NCAPD3: variants seen among roughly 807,000 people sequenced by gnomAD.
The protein encoded by NCAPD3 is condensin-2 complex subunit D3.
In NCAPD3, 105 loss-of-function variants were observed where a neutral mutation model predicts 182.9. The ratio of observed to expected loss-of-function variants is 0.57; its 90% CI spans 0.49 to 0.68. The LOEUF is 0.68. Ranked by LOEUF, NCAPD3 falls within the 30% of genes least tolerant of loss-of-function variation. The pLI, the probability that NCAPD3 is intolerant of heterozygous loss-of-function variation, is 0.00. For synonymous variants in NCAPD3, 815 were observed against 679.9 expected, an observed-to-expected ratio of 1.20 and a Z score of -3.09; for missense variants, 1,944 against 1,837.0, an observed-to-expected ratio of 1.06 and a Z score of -1.07.
At chr11:134,176,852 C>G (rs1944181333) in intron 23 of NCAPD3, among the ~76,000 whole-genome samples, 2 of 152,178 alleles carry the variant, frequency 1.3e-5, no homozygotes, top group Non-Finnish European at 2.9e-5. Context: ...ACCATGATCC[C>G]CATTTGACGA....
In NCAPD3 at chr11:134,161,774, C is replaced by T; in HGVS notation, c.3684+7G>A. 1 of 1,512,726 alleles carries T rather than the reference C, an allele frequency of 6.6e-7. No homozygotes were observed. The highest frequency in any genetic ancestry group is 9.2e-7 in the Non-Finnish European group (1 of 1,092,464). The allele number at this position is 1,512,726 out of a possible 1,614,324, so 93.7% of individuals were successfully genotyped here. A position where few individuals can be genotyped will look rare whatever the true frequency, so the allele number is the denominator to read the frequency against. The stretch of plus-strand genomic sequence containing the variant: ...AACAACCACAAAAGCACAGGCTCCA[C>T]CCTTACCCTGAGATAGTGCATGAGT... On this transcript the variant is annotated splice_region_variant and intron_variant, in intron 28 of 34. Coordinates refer to ENST00000534548, the MANE Select transcript of NCAPD3 (RefSeq NM_015261.3).
intron 27 of NCAPD3, among the ~76,000 whole-genome samples, chr11:134,164,049 G>A (rs12788980): frequency 0.078 from 11,851 of 152,214 alleles, 599 homozygotes; most frequent in Admixed American, 0.11. Flanking sequence ...AAACAGGCAG[G>A]ATCTTGTGGC....
chr11:134,202,808 T>C lies in NCAPD3; in HGVS notation c.1615+8A>G. ...TTACCTATCTGACAGTGATAAAATCTGACATACCTCCAGATCCAACTGTTT... is the reference window on the plus strand; with the variant it reads ...TTACCTATCTGACAGTGATAAAATCCGACATACCTCCAGATCCAACTGTTT... On this transcript the variant is annotated splice_region_variant and intron_variant, in intron 13 of 34. Transcript: ENST00000534548. 1 of 1,585,706 alleles carries C rather than the reference T, an allele frequency of 6.3e-7. No individual in the cohort carries two copies. Among genetic ancestry groups the C allele is most frequent in the Non-Finnish European group, 8.6e-7 (1 of 1,163,580 alleles).
In NCAPD3 at chr11:134,157,026, G is replaced by GC; in HGVS notation, c.4243_4244insG (p.Thr1415SerfsTer8). On this transcript the variant is annotated frameshift_variant, in exon 32 of 35. Transcript: ENST00000534548. LOFTEE classifies it high-confidence loss of function. ...TCCGATCAGTTACTCACTCTCGGGG[G>GC]TGCTGATGGCCCGCTTGGTCACGTG... The GC allele has an allele frequency of 6.2e-7, 1 of 1,612,596 alleles. No homozygotes were observed. The highest frequency in any genetic ancestry group is 8.5e-7 in the Non-Finnish European group (1 of 1,178,916).
intron 27 of NCAPD3, among the ~76,000 whole-genome samples, chr11:134,165,572 TTG>T: frequency 7.2e-6 from 1 of 139,522 alleles, no homozygotes; most frequent in South Asian, 2.4e-4. Context: ...TGAGATGAGC[TTG>T]GGGGAGGGGC....
rs1484888966 is a variant in NCAPD3, at chr11:134,203,799, A to T, written c.1323T>A (p.His441Gln). 1.9e-6 allele frequency: 3 copies of T among 1,614,094 alleles called. No individual in the cohort carries two copies. Among genetic ancestry groups the T allele is most frequent in the Non-Finnish European group, 2.5e-6 (3 of 1,180,046 alleles). ...ACATAATTTCCTGCACCAGGAACTT[A>T]TGCTTTAAGAACTTCTGATGCTCCA... ...LSLEHQKFLKHKFLVQEIMFD... is the reference protein window; with the variant it reads ...LSLEHQKFLKQKFLVQEIMFD... Residue 441 changes from histidine to glutamine, a missense_variant, in exon 11 of 35, where the codon CAT becomes CAA. His to Gln is a conservative substitution (Grantham distance 24). This residue lies in a region of NCAPD3 where 1,803 missense variants were observed against 1,674.6 expected (regional missense o/e 1.08). Transcript: ENST00000534548.
chr11:134,183,235 G>A (rs1944333524), intron 19 of NCAPD3: 1 of 448,934 alleles, frequency 2.2e-6, no homozygotes, highest in Middle Eastern at 3.3e-4. Flanking sequence ...GTACCACTGA[G>A]CCTGGAAGGC....
rs111226247 is a variant in NCAPD3, at chr11:134,204,497, C to G, written c.1090-326G>C. ...GTAGAGATCATCATGGAAATTTGAA[C>G]ACTGGATGTTTGATAATATTAAGGA... On this transcript the variant is annotated intron_variant, in intron 9 of 34. Transcript: ENST00000534548. This position sits in a 1 kb window ranked among gnomAD's most constrained non-coding sequence, Gnocchi z 4.3. Among the ~76,000 whole-genome samples, 1,185 of 152,216 alleles carry G rather than the reference C, an allele frequency of 7.8e-3. 11 individuals are homozygous for G. The highest frequency in any genetic ancestry group is 0.027 in the African/African-American group (1,108 of 41,520).
chr11:134,171,428 A>G (rs1185026136), intron 24 of NCAPD3, among the ~76,000 whole-genome samples: 2 of 152,192 alleles, frequency 1.3e-5, no homozygotes, highest in African/African-American at 4.8e-5. Flanking sequence ...AAACATAAAA[A>G]TCTGACTTCA....
At chr11:134,222,470 G>T (rs1055146482) in intron 1 of NCAPD3, among the ~76,000 whole-genome samples, 42 of 152,284 alleles carry the variant, frequency 2.8e-4, no homozygotes, top group African/African-American at 9.9e-4. Context: ...CAAATATCCT[G>T]ACTTGATCAC....
chr11:134,218,937 CT>C (rs1451137548), intron 2 of NCAPD3, among the ~76,000 whole-genome samples: 2 of 152,220 alleles, frequency 1.3e-5, no homozygotes, highest in Non-Finnish European at 1.5e-5. Flanking sequence ...CTATTGCCCA[CT>C]GTAACCTCTT....
chr11:134,192,246 G>A (rs1944537844), intron 16 of NCAPD3, among the ~76,000 whole-genome samples: 1 of 152,142 alleles, frequency 6.6e-6, no homozygotes, highest in African/African-American at 2.4e-5. Context: ...AATATTCACT[G>A]TACAGTGTAT....
chr11:134,204,950 C>T lies in NCAPD3; in HGVS notation c.1038G>A (p.Lys346=), dbSNP rs773744398. 2 of 1,613,784 alleles carry T rather than the reference C, an allele frequency of 1.2e-6. No individual in the cohort carries two copies. Among genetic ancestry groups the T allele is most frequent in the East Asian group, 4.5e-5 (2 of 44,874 alleles). The change falls in exon 9 of 35, where the codon AAG becomes AAA. Residue 346 remains lysine (K), a synonymous_variant. Coordinates refer to ENST00000534548, the MANE Select transcript of NCAPD3 (RefSeq NM_015261.3). The surrounding 1 kb of genome is among the most constrained non-coding windows in gnomAD (Gnocchi z 4.3). ...TACGGACGACTGGGAATATACTCTC[C>T]TTTAATTCATCCACAAGGGCGCTTT... ...QFISALVDEL[K]ESIFPVVRIL...
rs778182343 is a variant in NCAPD3, at chr11:134,203,850, T to C, written c.1272A>G (p.Glu424=). 20 of 1,614,048 alleles carry C rather than the reference T, an allele frequency of 1.2e-5. No individual in the cohort carries two copies. Among genetic ancestry groups the C allele is most frequent in the Non-Finnish European group, 1.6e-5 (19 of 1,180,010 alleles). ...DVVLALLELP[E]REVDNTLSLE... ...AGGAGAGGGTGTTATCCACCTCTCT[T>C]TCAGGCAGTTCTAACAGAGCTAAGA... Residue 424 remains glutamate, a synonymous_variant, in exon 11 of 35, where the codon GAA becomes GAG. Transcript: ENST00000534548.
At chr11:134,213,727 C>T (rs1937923764) in intron 3 of NCAPD3, among the ~76,000 whole-genome samples, 2 of 151,736 alleles carry the variant, frequency 1.3e-5, no homozygotes, top group East Asian at 1.9e-4. Context: ...CAAATAAAAG[C>T]ATGAGAAATG....
At chr11:134,196,727 C>G (rs982734400) in intron 13 of NCAPD3, among the ~76,000 whole-genome samples, 1 of 151,432 alleles carries the variant, frequency 6.6e-6, no homozygotes, top group East Asian at 1.9e-4. Context: ...CACACATACA[C>G]ACACACCCCT....
chr11:134,187,530 T>C (rs1347795188), intron 16 of NCAPD3, among the ~76,000 whole-genome samples: 11 of 152,244 alleles, frequency 7.2e-5, no homozygotes, highest in African/African-American at 1.9e-4. Context: ...TGAGATTTCA[T>C]AGAGCCTTCT....
Position 134,185,659 on chromosome 11 carries a change from A to G in NCAPD3, c.2046-133T>C, listed in dbSNP as rs1420752537. 4.9e-6 allele frequency: 3 copies of G among 616,372 alleles called. No individual in the cohort carries two copies. In the East Asian group the frequency reaches 9.0e-5, roughly 19 times the overall value. 38.2% of individuals were successfully genotyped at this position (616,372 alleles called of 1,614,324 possible). On this transcript the variant is annotated intron_variant, in intron 16 of 34. Transcript: ENST00000534548. ...AGTGGCACATGAAACTTATATGTAG[A>G]CGTTCCTAATTAGTGGCGTGTCTGA...
intron 2 of NCAPD3, among the ~76,000 whole-genome samples, chr11:134,218,391 C>T (rs1024053070): frequency 1.3e-5 from 2 of 152,156 alleles, no homozygotes; most frequent in Non-Finnish European, 2.9e-5. Context: ...CCTCGGTGAT[C>T]TCATGCATCA....
Sources: allele counts gnomAD v4.1 joint callset (sites outside exome capture counted in the v4.1 genomes callset), GRCh38; gene constraint gnomAD v4.1.1; regional missense constraint gnomAD v4.1.1; non-coding constraint Gnocchi (gnomAD v3.1); transcripts MANE v1.5; gene names NCBI Gene and HGNC (gene_info 2026-07-23, HGNC 2026-07-21).